ZNF106: variants seen among roughly 807,000 people sequenced by gnomAD.
ZNF106 encodes zinc finger protein 106.
ZNF106 carries 67 observed loss-of-function variants against 195.1 expected under a neutral mutation model. The ratio of observed to expected loss-of-function variants is 0.34; its 90% CI spans 0.28 to 0.42. ZNF106 has a LOEUF of 0.42. ZNF106 is among the 10% of genes least tolerant of loss of function. ZNF106 has a pLI of 1.00. For missense variants in ZNF106, 2,118 were observed against 2,304.5 expected (o/e 0.92, Z 1.66); for synonymous variants, 784 against 818.6 (o/e 0.96, Z 0.72).
At chr15:42,475,884 C>T (rs948694052) in intron 1 of ZNF106, among the ~76,000 whole-genome samples, 6 of 152,074 alleles carry the variant, frequency 3.9e-5, no homozygotes, top group Non-Finnish European at 7.4e-5. Context: ...GTGTGACTCT[C>T]TGGTAGAAAT....
At chr15:42,443,923 A>G (rs932184819) in intron 9 of ZNF106, among the ~76,000 whole-genome samples, 4 of 151,932 alleles carry the variant, frequency 2.6e-5, no homozygotes, top group Admixed American at 2.0e-4. Flanking sequence ...TCTGGCCAAC[A>G]TGGCGAACCC....
At chr15:42,467,780 G>A (rs562081603) in intron 2 of ZNF106, among the ~76,000 whole-genome samples, 6 of 152,254 alleles carry the variant, frequency 3.9e-5, no homozygotes, top group Non-Finnish European at 7.3e-5. Context: ...CTGCACTCCA[G>A]CCTGGGCAAC....
chr15:42,472,389 A>C (rs945986739), intron 1 of ZNF106, 68 bp from the exon 2 acceptor site: 51 of 1,187,340 alleles, frequency 4.3e-5, no homozygotes, highest in Non-Finnish European at 5.6e-5. Context: ...TCTTCACATA[A>C]CCAAAATTAC....
chr15:42,460,063 T>C (rs953191290), intron 3 of ZNF106, among the ~76,000 whole-genome samples: 1 of 148,954 alleles, frequency 6.7e-6, no homozygotes, highest in Non-Finnish European at 1.5e-5. Flanking sequence ...AAAAAGAAAA[T>C]ATTTTTGTCT....
At chr15:42,423,862 C>T (rs1325644446) in intron 17 of ZNF106, 136 bp downstream of exon 17, 1 of 699,666 alleles carries the variant, frequency 1.4e-6, no homozygotes, top group Non-Finnish European at 2.3e-6. Context: ...TATCCAAGAG[C>T]ATATGCACAG....
intron 1 of ZNF106, among the ~76,000 whole-genome samples, chr15:42,482,350 T>G (rs2056916295): frequency 6.6e-6 from 1 of 152,086 alleles, no homozygotes; most frequent in Non-Finnish European, 1.5e-5. Flanking sequence ...TGTATATGAG[T>G]AGTTTTGGAA....
At chr15:42,455,671 G>A (rs889467658) in intron 4 of ZNF106, among the ~76,000 whole-genome samples, 5 of 152,116 alleles carry the variant, frequency 3.3e-5, no homozygotes, top group Admixed American at 6.6e-5. Flanking sequence ...CTGAGCCACC[G>A]TTCCTCCCGG....
Position 42,481,747 on chromosome 15 carries a change from G to A in ZNF106, c.-33+9233C>T, listed in dbSNP as rs576149391. On this transcript the variant is annotated intron_variant, in intron 1 of 21. Transcript: ENST00000564754. ...TCAGCATTTTAAAGATTCTCTATTCGCTTCTGACCTCCACTGTTTCTGATG... is the reference window on the plus strand; with the variant it reads ...TCAGCATTTTAAAGATTCTCTATTCACTTCTGACCTCCACTGTTTCTGATG... Among the ~76,000 whole-genome samples, 6 of 152,074 alleles carry A rather than the reference G, an allele frequency of 3.9e-5. 1 individual carries two copies. The East Asian group carries it at 9.6e-4, about 24-fold the overall frequency.
At chr15:42,441,186 A>AG (rs2055522473) in intron 10 of ZNF106, among the ~76,000 whole-genome samples, 2 of 143,980 alleles carry the variant, frequency 1.4e-5, no homozygotes, top group African/African-American at 5.1e-5. Flanking sequence ...AAAAAAAAAA[A>AG]AAAAAAATTA....
At chr15:42,483,680 T>C (rs186080062) in intron 1 of ZNF106, among the ~76,000 whole-genome samples, 2 of 152,228 alleles carry the variant, frequency 1.3e-5, no homozygotes, top group Non-Finnish European at 1.5e-5. Context: ...CAAGGCCCGC[T>C]TGACACAACC....
intron 1 of ZNF106, among the ~76,000 whole-genome samples, chr15:42,484,626 T>C (rs2056969465): frequency 6.6e-6 from 1 of 152,128 alleles, no homozygotes; most frequent in Admixed American, 6.5e-5. Flanking sequence ...TAGTCCCACA[T>C]ACTCAGGAAG....
intron 1 of ZNF106, among the ~76,000 whole-genome samples, chr15:42,487,502 A>AC (rs1567036746): frequency 6.6e-6 from 1 of 151,320 alleles, no homozygotes; most frequent in Non-Finnish European, 1.5e-5. Context: ...AAAAAAAAAA[A>AC]AAAAAAAAAA....
chr15:42,461,215 A>G (rs1595481106), intron 3 of ZNF106, among the ~76,000 whole-genome samples: 1 of 152,250 alleles, frequency 6.6e-6, no homozygotes, highest in East Asian at 1.9e-4. Flanking sequence ...CCATGTTTTA[A>G]AAGCCTAATA....
At position 42,486,957 on chromosome 15, in the gene ZNF106, T is replaced by C. The variant is rs1251379677; in HGVS notation, c.-33+4023A>G. Among the ~76,000 whole-genome samples the C allele has an allele frequency of 7.9e-5, 12 of 152,160 alleles. No homozygotes were observed. In the East Asian group the frequency reaches 2.1e-3, roughly 27 times the overall value. ...CCAGGTCAGGCATTTGAGACCAGCCTGGCCAACATAGTGAAACCCCATCTC... is the reference window on the plus strand; with the variant it reads ...CCAGGTCAGGCATTTGAGACCAGCCCGGCCAACATAGTGAAACCCCATCTC... On this transcript the variant is annotated intron_variant, in intron 1 of 21. Coordinates refer to ENST00000564754, the MANE Select transcript of ZNF106 (RefSeq NM_001366845.3).
At chr15:42,441,061 G>A (rs1360717041) in intron 10 of ZNF106, among the ~76,000 whole-genome samples, 6 of 111,816 alleles carry the variant, frequency 5.4e-5, no homozygotes, top group South Asian at 3.2e-4. Context: ...TAAGTCACGC[G>A]CAGTGGCTCA....
At chr15:42,454,204 TA>T (rs1333402353) in intron 4 of ZNF106, among the ~76,000 whole-genome samples, 1 of 152,236 alleles carries the variant, frequency 6.6e-6, no homozygotes, top group East Asian at 1.9e-4. Context: ...AGACGGAATT[TA>T]AAAGTCTATT....
At chr15:42,482,722 G>A (rs1243998223) in intron 1 of ZNF106, among the ~76,000 whole-genome samples, 1 of 151,610 alleles carries the variant, frequency 6.6e-6, no homozygotes, top group East Asian at 1.9e-4. Context: ...GTAGAGACGG[G>A]GTTTCACCAT....
chr15:42,430,623 G>A (rs12102254), intron 14 of ZNF106, among the ~76,000 whole-genome samples: 28 of 151,882 alleles, frequency 1.8e-4, no homozygotes, highest in Admixed American at 3.9e-4. Flanking sequence ...GGGCTCAAGC[G>A]ATCCTCCCAA....
intron 2 of ZNF106, among the ~76,000 whole-genome samples, chr15:42,469,611 G>A (rs1329822848): frequency 6.6e-6 from 1 of 152,044 alleles, no homozygotes. Flanking sequence ...GGAGGTCAAG[G>A]TGGAAGGATC....
Sources: gnomAD v4.1 joint callset for allele counts (sites outside exome capture counted in the v4.1 genomes callset) on GRCh38, gnomAD v4.1.1 for gene constraint, MANE v1.5 for transcripts, NCBI Gene and HGNC (gene_info 2026-07-23, HGNC 2026-07-21) for gene names.